Variants in PDGFRA observed in about 807,000 individuals in gnomAD.
PDGFRA encodes platelet-derived growth factor receptor alpha.
Under a neutral mutation model 121.5 loss-of-function variants are expected in PDGFRA, and 25 were observed. The ratio of observed to expected loss-of-function variants is 0.21; its 90% CI spans 0.15 to 0.29. The LOEUF (loss-of-function observed/expected upper bound fraction) is 0.29, where lower values mean the gene tolerates loss of function less well. Ranked by LOEUF, PDGFRA falls within the 10% of genes least tolerant of loss-of-function variation. The probability of loss-of-function intolerance (pLI) is 1.00; values close to 1 mark genes in which losing one functional copy is unlikely to be tolerated. For synonymous variants in PDGFRA, 463 were observed against 494.8 expected (o/e 0.94, Z 0.85); for missense variants, 1,008 against 1,345.1 (o/e 0.75, Z 3.92).
rs1304842731 is a variant in PDGFRA at position 54,297,789 on chromosome 4, A to C, written c.*2517A>C. ...GACAATCAAAGCCGGCCTGAGAAACACTATTTGTGACTTTTTAAACGATTA... is the reference window on the plus strand; with the variant it reads ...GACAATCAAAGCCGGCCTGAGAAACCCTATTTGTGACTTTTTAAACGATTA... On this transcript the variant is annotated 3_prime_UTR_variant, in exon 23 of 23. Coordinates refer to ENST00000257290, the MANE Select transcript of PDGFRA (RefSeq NM_006206.6). The C allele has an allele frequency of 4.3e-6, 1 of 233,498 alleles. No homozygotes were observed. Among genetic ancestry groups the C allele is most frequent in the African/African-American group, 2.2e-5 (1 of 45,316 alleles). 14.5% of individuals were successfully genotyped at this position (233,498 alleles called of 1,614,324 possible).
chr4:54,264,322 C>A, intron 4 of PDGFRA: 1 of 318,372 alleles, frequency 3.1e-6, no homozygotes. Flanking sequence ...TAGACTTCAA[C>A]CCTTTGATGT....
In PDGFRA at chr4:54,290,699, G is replaced by T. The variant is rs965720386; in HGVS notation, c.3122+145G>T. ...GTTGCAGAATCCTCAGGAGGTCCACGTGGTTTTGAAAATGCTTCCCAGATG... is the reference window on the plus strand; with the variant it reads ...GTTGCAGAATCCTCAGGAGGTCCACTTGGTTTTGAAAATGCTTCCCAGATG... On this transcript the variant is annotated intron_variant, in intron 22 of 22. Transcript: ENST00000257290. 3.2e-6 allele frequency: 3 copies of T among 924,432 alleles called. No individual in the cohort carries two copies. The African/African-American group carries it at 4.9e-5, about 15-fold the overall frequency. The allele number at this position is 924,432 out of a possible 1,614,324, so 57.3% of individuals were successfully genotyped here.
chr4:54,233,889 A>T (rs1034167223), intron 1 of PDGFRA, among the ~76,000 whole-genome samples: 3 of 152,038 alleles, frequency 2.0e-5, no homozygotes, highest in Non-Finnish European at 4.4e-5. Flanking sequence ...GTCGTTTCCA[A>T]TCAGCTGCGC....
Position 54,281,578 on chromosome 4 carries a change from C to T in PDGFRA, c.2323+1096C>T, listed in dbSNP as rs1217371897. The T allele has an allele frequency of 2.2e-6, 3 of 1,347,360 alleles. No homozygotes were observed. The South Asian group carries it at 3.7e-5, about 17-fold the overall frequency. The allele number at this position is 1,347,360 out of a possible 1,614,324, so 83.5% of individuals were successfully genotyped here. A position where few individuals can be genotyped will look rare whatever the true frequency, so the allele number is the denominator to read the frequency against. ...GTTAAAAATAGTTTACATTGCTTCCCAGGCTGGGCTGGTGGAGTTGGCACG... is the reference window on the plus strand; with the variant it reads ...GTTAAAAATAGTTTACATTGCTTCCTAGGCTGGGCTGGTGGAGTTGGCACG... On this transcript the variant is annotated intron_variant, in intron 16 of 22. Coordinates refer to ENST00000257290, the MANE Select transcript of PDGFRA (RefSeq NM_006206.6).
chr4:54,268,572 C>G (rs1452637347), intron 7 of PDGFRA, among the ~76,000 whole-genome samples: 1 of 152,218 alleles, frequency 6.6e-6, no homozygotes, highest in Non-Finnish European at 1.5e-5. Flanking sequence ...CAGAGCCTTT[C>G]TCATCAGTTC....
chr4:54,258,954 A>G (rs891757078), intron 2 of PDGFRA, 137 bp downstream of exon 2: 8 of 760,366 alleles, frequency 1.1e-5, no homozygotes, highest in Non-Finnish European at 1.8e-5. Context: ...ATAGGACGTT[A>G]TCCAGAATGA....
intron 7 of PDGFRA, among the ~76,000 whole-genome samples, chr4:54,270,131 C>G (rs1003511879): frequency 2.6e-5 from 4 of 152,102 alleles, no homozygotes; most frequent in African/African-American, 9.7e-5. Context: ...TCCAGAGTTT[C>G]TTTAAGCAAA....
chr4:54,265,934 C>T (rs1455062221), intron 5 of PDGFRA, among the ~76,000 whole-genome samples: 1 of 152,132 alleles, frequency 6.6e-6, no homozygotes, highest in Non-Finnish European at 1.5e-5. Context: ...CATTGATCTC[C>T]CTCCTTTTAT....
intron 22 of PDGFRA, among the ~76,000 whole-genome samples, chr4:54,292,561 A>G (rs929328344): frequency 1.3e-5 from 2 of 152,242 alleles, no homozygotes; most frequent in South Asian, 4.2e-4. Flanking sequence ...TAGCTAATGG[A>G]TACTGGGCAT....
intron 1 of PDGFRA, among the ~76,000 whole-genome samples, chr4:54,256,258 T>C (rs1722359973): frequency 1.3e-5 from 2 of 151,982 alleles, no homozygotes; most frequent in South Asian, 4.1e-4. Context: ...TTTTTTGTGA[T>C]GGAGTCTTGC....
intron 3 of PDGFRA, among the ~76,000 whole-genome samples, chr4:54,263,149 A>G (rs1722844537): frequency 6.6e-6 from 1 of 152,196 alleles, no homozygotes; most frequent in African/African-American, 2.4e-5. Context: ...CATACTGACT[A>G]TAGGTGGTAA....
intron 15 of PDGFRA, chr4:54,278,797 C>T (rs1190881722): frequency 1.7e-6 from 1 of 574,912 alleles, no homozygotes; most frequent in South Asian, 1.5e-5. Flanking sequence ...ACATGTGATC[C>T]ACTTAGACCT....
At position 54,298,139 on chromosome 4, in the gene PDGFRA, G is replaced by A. The variant is rs1724968136; in HGVS notation, c.*2867G>A. ...GTGTGAGAAAAACTAACTTGATAGG[G>A]TCTACCAATACAAAATGTATTACGA... is the stretch of plus-strand genomic sequence containing the variant. On this transcript the variant is annotated 3_prime_UTR_variant, in exon 23 of 23. Transcript: ENST00000257290. The A allele has an allele frequency of 1.4e-5, 3 of 216,628 alleles. No individual in the cohort carries two copies. The highest frequency in any genetic ancestry group is 3.7e-4 in the South Asian group (2 of 5,396). The allele number at this position is 216,628 out of a possible 1,614,324, so 13.4% of individuals were successfully genotyped here.
intron 7 of PDGFRA, among the ~76,000 whole-genome samples, chr4:54,269,804 G>A (rs1218747765): frequency 7.5e-6 from 1 of 133,086 alleles, no homozygotes; most frequent in East Asian, 2.1e-4. Context: ...CACCATGCCT[G>A]GCTAATTTTT....
chr4:54,265,765 C>T (rs146008102), intron 5 of PDGFRA, among the ~76,000 whole-genome samples: 2 of 152,258 alleles, frequency 1.3e-5, no homozygotes, highest in East Asian at 3.9e-4. Flanking sequence ...GTGTGTAAGA[C>T]AGCCATGTGT....
At chr4:54,282,868 G>A (rs1384421609) in intron 16 of PDGFRA, among the ~76,000 whole-genome samples, 2 of 152,176 alleles carry the variant, frequency 1.3e-5, no homozygotes, top group Admixed American at 1.3e-4. Context: ...GGAGAAATCG[G>A]CCAAAAGAAA....
intron 4 of PDGFRA, chr4:54,264,610 T>G: frequency 5.8e-6 from 2 of 346,248 alleles, no homozygotes; most frequent in South Asian, 5.0e-5. Context: ...ATGAATAAAT[T>G]TATTAGTCAA....
At chr4:54,241,204 T>C (rs959931116) in intron 1 of PDGFRA, among the ~76,000 whole-genome samples, 11 of 152,144 alleles carry the variant, frequency 7.2e-5, no homozygotes, top group Admixed American at 5.2e-4. Context: ...GTTTAAAATA[T>C]GAATTTCGAA....
At position 54,230,159 on chromosome 4, in the gene PDGFRA, C is replaced by G. The variant is rs867072463; in HGVS notation, c.-13+744C>G. Among the ~76,000 whole-genome samples the G allele has an allele frequency of 7.6e-4, 116 of 152,020 alleles. 1 individual carries two copies. The highest frequency in any genetic ancestry group is 2.7e-3 in the African/African-American group (112 of 41,478). ...GAGGCGGCTGCGGGACAAGCAGAGG[C>G]GCGCGGGCGTGGGCAAGGGTTTGGG... On this transcript the variant is annotated intron_variant, in intron 1 of 22. Coordinates refer to ENST00000257290, the MANE Select transcript of PDGFRA (RefSeq NM_006206.6).
Sources: gnomAD v4.1 joint callset for allele counts (sites outside exome capture counted in the v4.1 genomes callset) on GRCh38, gnomAD v4.1.1 for gene constraint, MANE v1.5 for transcripts, NCBI Gene and HGNC (gene_info 2026-07-23, HGNC 2026-07-21) for gene names.